The following UBR1 variants were observed in gnomAD, a reference collection of about 807,000 sequenced individuals.
The protein encoded by UBR1 is E3 ubiquitin-protein ligase UBR1.
UBR1 carries 102 observed loss-of-function variants against 242.1 expected under a neutral mutation model. The observed-to-expected ratio is 0.42, with a 90% CI of 0.36 to 0.50. The LOEUF (loss-of-function observed/expected upper bound fraction) is 0.50. Among genes scored for constraint, UBR1 ranks in the 20% least tolerant of loss-of-function variants. The probability of loss-of-function intolerance (pLI) is 0.01; values close to 1 mark genes in which losing one functional copy is unlikely to be tolerated. For missense variants in UBR1, 1,772 were observed against 2,101.8 expected (o/e 0.84, Z 3.07); for synonymous variants, 675 against 684.8 (o/e 0.99, Z 0.22).
chr15:42,987,457 T>A (rs140769161), intron 35 of UBR1, among the ~76,000 whole-genome samples: 193 of 152,328 alleles, frequency 1.3e-3, no homozygotes, highest in African/African-American at 4.5e-3. Context: ...GGCTCACGCC[T>A]GTAATCCCAG....
At position 42,950,342 on chromosome 15, in the gene UBR1, G is replaced by A. The variant is rs1268502763; in HGVS notation, c.5028C>T (p.Val1676=). ...IFLKIRECRV[V]LVEGKARGCA... The stretch of plus-strand genomic sequence containing the variant: ...AGCCTCTGGCTTTACCTTCAACCAG[G>A]ACCACTCGGCATTCTCTGATTCTGA... The change falls in exon 46 of 47, where the codon GTC becomes GTT. Residue 1676 remains valine (V), a synonymous_variant. Transcript: ENST00000290650. The A allele has an allele frequency of 6.2e-7, 1 of 1,614,000 alleles. No individual in the cohort carries two copies. The highest frequency in any genetic ancestry group is 8.5e-7 in the Non-Finnish European group (1 of 1,180,020).
chr15:42,962,809 T>A (rs1427632579), intron 42 of UBR1, among the ~76,000 whole-genome samples: 4 of 152,072 alleles, frequency 2.6e-5, no homozygotes, highest in South Asian at 2.1e-4. Flanking sequence ...GCTTCCCTTT[T>A]TCCTGGCCAC....
intron 3 of UBR1, among the ~76,000 whole-genome samples, chr15:43,081,903 T>TA (rs547023105): frequency 9.9e-5 from 15 of 152,074 alleles, no homozygotes; most frequent in Middle Eastern, 3.4e-3. Flanking sequence ...TTTATCATTT[T>TA]AAAAAAACTG....
At chr15:43,100,707 C>G (rs770101079) in intron 1 of UBR1, among the ~76,000 whole-genome samples, 2 of 152,140 alleles carry the variant, frequency 1.3e-5, no homozygotes, top group Non-Finnish European at 2.9e-5. Flanking sequence ...TGGTGGCATG[C>G]CCCTGTAGTC....
At chr15:43,040,971 A>C (rs1291307489) in intron 15 of UBR1, among the ~76,000 whole-genome samples, 1 of 152,210 alleles carries the variant, frequency 6.6e-6, no homozygotes, top group Non-Finnish European at 1.5e-5. Context: ...GTGGAGAAAT[A>C]GGAACACTTT....
intron 6 of UBR1, 95 bp from the exon 7 acceptor site, chr15:43,060,209 G>T: frequency 8.6e-7 from 1 of 1,169,162 alleles, no homozygotes; most frequent in Non-Finnish European, 1.3e-6. Flanking sequence ...TCTTAACTGA[G>T]CTCTAATCGC....
chr15:42,967,285 A>G (rs922562148), intron 40 of UBR1, among the ~76,000 whole-genome samples: 2 of 136,376 alleles, frequency 1.5e-5, no homozygotes, highest in African/African-American at 5.4e-5. Flanking sequence ...CTGATCTTGA[A>G]CTCCTGGGCT....
chr15:42,956,303 G>C (rs2031919561), intron 44 of UBR1, among the ~76,000 whole-genome samples: 1 of 152,158 alleles, frequency 6.6e-6, no homozygotes, highest in Non-Finnish European at 1.5e-5. Context: ...GAGCCAGCAA[G>C]AACTGCCTGA....
intron 12 of UBR1, among the ~76,000 whole-genome samples, chr15:43,048,727 C>T (rs2033516481): frequency 6.6e-6 from 1 of 152,208 alleles, no homozygotes; most frequent in Non-Finnish European, 1.5e-5. Context: ...TCACACACTA[C>T]ATTCTCAGAG....
chr15:43,023,638 C>G (rs1374826234), intron 25 of UBR1, among the ~76,000 whole-genome samples: 1 of 135,828 alleles, frequency 7.4e-6, no homozygotes, highest in African/African-American at 2.7e-5. Flanking sequence ...TTCAACCTCA[C>G]TTAAAGAAAA....
chr15:42,968,413 C>T (rs2032147249), intron 40 of UBR1, among the ~76,000 whole-genome samples: 2 of 147,774 alleles, frequency 1.4e-5, no homozygotes, highest in African/African-American at 5.0e-5. Flanking sequence ...AATAGAGAGA[C>T]AGGGTCTTGT....
chr15:42,988,126 CTT>C, intron 35 of UBR1, among the ~76,000 whole-genome samples: 1 of 152,190 alleles, frequency 6.6e-6, no homozygotes, highest in South Asian at 2.1e-4. Flanking sequence ...TTTTAGGTGA[CTT>C]TGGTTTCCCC....
At chr15:42,984,108 A>G (rs981454063) in intron 36 of UBR1, 115 bp from the exon 37 acceptor site, 3 of 636,170 alleles carry the variant, frequency 4.7e-6, no homozygotes, top group Non-Finnish European at 8.4e-6. Context: ...CTGCAGACTC[A>G]TTATATACCT....
intron 12 of UBR1, among the ~76,000 whole-genome samples, chr15:43,050,231 C>G (rs1027878503): frequency 6.6e-6 from 1 of 152,122 alleles, no homozygotes; most frequent in Non-Finnish European, 1.5e-5. Context: ...CCAACGCAAT[C>G]AGCCCCAGAA....
At chr15:43,037,976 G>GT in intron 16 of UBR1, 93 bp from the exon 17 acceptor site, 2 of 1,316,432 alleles carry the variant, frequency 1.5e-6, no homozygotes, top group Non-Finnish European at 2.2e-6. Context: ...TTTCTCACGT[G>GT]AAAAATGGAA....
chr15:43,015,822 A>G lies in UBR1; in HGVS notation c.3075T>C (p.Ala1025=), dbSNP rs141078391. The change falls in exon 29 of 47, where the codon GCT becomes GCC. Residue 1025 remains alanine (A), a synonymous_variant. Transcript: ENST00000290650. The part of the protein sequence containing the change: ...EKAERKRKAE[A]ARLHRQKIMA... ...TGATCTTCTGGCGATGTAGCCTAGC[A>G]GCTTCAGCTTTTCTTTTTCGTTCTG... 5 of 1,614,030 alleles carry G rather than the reference A, an allele frequency of 3.1e-6. No individual in the cohort carries two copies. In the African/African-American group the frequency reaches 6.7e-5, roughly 22 times the overall value.
At chr15:43,005,597 A>T (rs2032810596) in intron 30 of UBR1, among the ~76,000 whole-genome samples, 1 of 152,230 alleles carries the variant, frequency 6.6e-6, no homozygotes. Flanking sequence ...GGTGTACCCA[A>T]CAGCTCATTG....
At chr15:43,043,104 G>T in intron 15 of UBR1, 111 bp downstream of exon 15, 1 of 1,216,004 alleles carries the variant, frequency 8.2e-7, no homozygotes, top group Non-Finnish European at 1.2e-6. Flanking sequence ...TATCTGACCT[G>T]AGCATGTCTG....
chr15:42,956,506 G>A (rs1477859158), intron 44 of UBR1, among the ~76,000 whole-genome samples: 1 of 152,150 alleles, frequency 6.6e-6, no homozygotes, highest in African/African-American at 2.4e-5. Context: ...TTTTAGCAGA[G>A]GCAGAGGCGG....
Sources: allele counts gnomAD v4.1 joint callset (sites outside exome capture counted in the v4.1 genomes callset), GRCh38; gene constraint gnomAD v4.1.1; transcripts MANE v1.5; gene names NCBI Gene and HGNC (gene_info 2026-07-23, HGNC 2026-07-21).